EMG1: variants seen among roughly 807,000 people sequenced by gnomAD.
EMG1 encodes the protein ribosomal RNA small subunit methyltransferase NEP1.
Under a neutral mutation model 26.9 loss-of-function variants are expected in EMG1, and 24 were observed. The observed-to-expected ratio is 0.89, with a 90% CI of 0.65 to 1.26. The LOEUF (loss-of-function observed/expected upper bound fraction) is 1.26. EMG1 is among the 50% of genes most tolerant of loss of function. The pLI, the probability that EMG1 is intolerant of heterozygous loss-of-function variation, is 0.00. For synonymous variants in EMG1, 140 were observed against 112.6 expected (o/e 1.24, Z -1.54); for missense variants, 299 against 307.6 (o/e 0.97, Z 0.21).
At chr12:6,982,128 C>T (rs1357873028), downstream of EMG1, among the ~76,000 whole-genome samples, 1 of 151,968 alleles carries the variant, frequency 6.6e-6, no homozygotes, top group Non-Finnish European at 1.5e-5. Flanking sequence ...ATGCTGGGAC[C>T]ACAGGTGCAT....
intron 7 of EMG1, among the ~76,000 whole-genome samples, chr12:6,996,800 A>G (rs1555156067): frequency 2.0e-5 from 3 of 152,226 alleles, no homozygotes; most frequent in African/African-American, 4.8e-5. Flanking sequence ...AGAGAAATCA[A>G]TCTCGACCAC....
chr12:6,975,334 A>G lies in EMG1; in HGVS notation c.577A>G (p.Ser193Gly). Residue 193 changes from serine (S) to glycine (G), a missense_variant, in exon 5 of 6, where the codon AGT (serine) becomes GGT (glycine). Coordinates refer to ENST00000599672, the MANE Select transcript of EMG1 (RefSeq NM_006331.8). ...VSDVRELVPS[S>G]DPIVFVVGAF... ...TGATGTGCGTGAGCTGGTGCCCAGC[A>G]GTGATCCTATTGTTTTTGTGGTAGG... is the stretch of plus-strand genomic sequence containing the variant. 1 of 1,607,680 alleles carries G rather than the reference A, an allele frequency of 6.2e-7. No homozygotes were observed. Among genetic ancestry groups the G allele is most frequent in the Non-Finnish European group, 8.5e-7 (1 of 1,176,590 alleles).
At chr12:6,971,574 C>A (rs932527232) in intron 1 of EMG1, among the ~76,000 whole-genome samples, 5 of 152,172 alleles carry the variant, frequency 3.3e-5, no homozygotes, top group African/African-American at 1.2e-4. Flanking sequence ...CTGTGCCCGG[C>A]CGGTAGTACT....
At chr12:6,972,116 G>T (rs1946338097) in intron 1 of EMG1, among the ~76,000 whole-genome samples, 1 of 149,012 alleles carries the variant, frequency 6.7e-6, no homozygotes. Context: ...TACCAGGCTG[G>T]AGTGCAGTGG....
Position 6,977,851 on chromosome 12 carries a change from T to G in EMG1, c.*2042T>G. On this transcript the variant is annotated 3_prime_UTR_variant, in exon 6 of 6. Transcript: ENST00000599672. The surrounding 1 kb of genome is among the most constrained non-coding windows in gnomAD (Gnocchi z 4.5). The stretch of plus-strand genomic sequence containing the variant: ...AGGATTGGATTGGAGTGCTGGTGGG[T>G]TCCCACGTGTAGCCCCCAGAGGGTA... 7.4e-7 allele frequency: 1 copy of G among 1,347,968 alleles called. No homozygotes were observed. Among genetic ancestry groups the G allele is most frequent in the Middle Eastern group, 2.3e-4 (1 of 4,346 alleles). The allele number at this position is 1,347,968 out of a possible 1,614,324, so 83.5% of individuals were successfully genotyped here. A position where few individuals can be genotyped will look rare whatever the true frequency, so the allele number is the denominator to read the frequency against.
downstream of EMG1, among the ~76,000 whole-genome samples, chr12:6,984,858 T>G (rs1946505366): frequency 6.6e-6 from 1 of 152,190 alleles, no homozygotes; most frequent in South Asian, 2.1e-4. Flanking sequence ...GTGTTGGGAT[T>G]ACAGGCGTGA....
intron 6 of EMG1, among the ~76,000 whole-genome samples, chr12:6,986,440 G>C (rs1220182946): frequency 7.9e-5 from 12 of 152,092 alleles, no homozygotes; most frequent in African/African-American, 2.9e-4. Context: ...TAATCAACTT[G>C]TTTATGCTAT....
downstream of EMG1, among the ~76,000 whole-genome samples, chr12:6,988,769 G>A (rs972501130): frequency 2.6e-5 from 4 of 152,158 alleles, no homozygotes; most frequent in Non-Finnish European, 5.9e-5. Context: ...TCTCAGCTTG[G>A]AGATTGGGGT....
chr12:6,971,209 G>A (rs782641590), intron 1 of EMG1, 118 bp downstream of exon 1: 72 of 835,416 alleles, frequency 8.6e-5, no homozygotes, highest in Admixed American at 5.6e-4. Flanking sequence ...TGCTTTTGAA[G>A]GAAGGTGGCT....
chr12:6,971,132 G>T (rs1555152197), intron 1 of EMG1, 41 bp downstream of exon 1: 3 of 1,550,416 alleles, frequency 1.9e-6, no homozygotes, highest in East Asian at 4.6e-5. Flanking sequence ...AAATCGATAG[G>T]TTGGGACTCC....
In EMG1 at chr12:6,979,438, A is replaced by C; in HGVS notation, c.*3629A>C. On this transcript the variant is annotated 3_prime_UTR_variant, in exon 6 of 6. Coordinates refer to ENST00000599672, the MANE Select transcript of EMG1 (RefSeq NM_006331.8). ...CCTGTCCATTTTCTAGCTCTGGTGCAGTCATGCTGCTGCTGCTTTAGTAGA... is the reference window on the plus strand; with the variant it reads ...CCTGTCCATTTTCTAGCTCTGGTGCCGTCATGCTGCTGCTGCTTTAGTAGA... 6.8e-7 allele frequency: 1 copy of C among 1,471,304 alleles called. No homozygotes were observed. Among genetic ancestry groups the C allele is most frequent in the Non-Finnish European group, 9.5e-7 (1 of 1,050,314 alleles). The allele number at this position is 1,471,304 out of a possible 1,614,324, so 91.1% of individuals were successfully genotyped here.
In EMG1 at chr12:6,975,393, C is replaced by T. The variant is rs782424259; in HGVS notation, c.621+15C>T. 2 of 1,577,698 alleles carry T rather than the reference C, an allele frequency of 1.3e-6. No homozygotes were observed. The highest frequency in any genetic ancestry group is 1.7e-6 in the Non-Finnish European group (2 of 1,161,934). On this transcript the variant is annotated intron_variant, in intron 5 of 5. Transcript: ENST00000599672. ...CCCATGGCAAGGTAAGGTCTGGGCTCAACCCTGAAATTCTTGGTAGAGCTG... is the reference window on the plus strand; with the variant it reads ...CCCATGGCAAGGTAAGGTCTGGGCTTAACCCTGAAATTCTTGGTAGAGCTG...
rs781782863 is a variant in EMG1 at position 6,975,330 on chromosome 12, C to T, written c.573C>T (p.Pro191=). The T allele has an allele frequency of 3.1e-6, 5 of 1,607,886 alleles. No individual in the cohort carries two copies. The highest frequency in any genetic ancestry group is 1.7e-5 in the Admixed American group (1 of 58,864). ...PVVSDVRELV[P]SSDPIVFVVG... ...TCAGTGATGTGCGTGAGCTGGTGCC[C>T]AGCAGTGATCCTATTGTTTTTGTGG... The change falls in exon 5 of 6, where the codon CCC becomes CCT. Residue 191 remains proline, a synonymous_variant. Transcript: ENST00000599672.
Position 6,975,360 on chromosome 12 carries a change from G to T in EMG1, c.603G>T (p.Gly201=). The T allele has an allele frequency of 3.1e-6, 5 of 1,602,392 alleles. No homozygotes were observed. The highest frequency in any genetic ancestry group is 4.3e-6 in the Non-Finnish European group (5 of 1,173,942). Residue 201 remains glycine (G), a synonymous_variant, in exon 5 of 6, where the codon GGG becomes GGT. Transcript: ENST00000599672. ...GTGATCCTATTGTTTTTGTGGTAGG[G>T]GCCTTTGCCCATGGCAAGGTAAGGT... is the stretch of plus-strand genomic sequence containing the variant. ...PSSDPIVFVV[G]AFAHGKVSVE...
Position 6,979,252 on chromosome 12 carries a change from A to G in EMG1, c.*3443A>G. On this transcript the variant is annotated 3_prime_UTR_variant, in exon 6 of 6. Coordinates refer to ENST00000599672, the MANE Select transcript of EMG1 (RefSeq NM_006331.8). ...TCCTAGAGAAGGCAACGGGTGCTAA[A>G]TGTGCACCTGGCACAGCCCTGTGCC... 2 of 575,152 alleles carry G rather than the reference A, an allele frequency of 3.5e-6. No individual in the cohort carries two copies. Among genetic ancestry groups the G allele is most frequent in the Non-Finnish European group, 6.2e-6 (2 of 323,276 alleles). The allele number at this position is 575,152 out of a possible 1,614,324, so 35.6% of individuals were successfully genotyped here.
At chr12:6,973,704 G>A (rs781856231) in intron 1 of EMG1, among the ~76,000 whole-genome samples, 6 of 151,830 alleles carry the variant, frequency 4.0e-5, no homozygotes, top group African/African-American at 1.5e-4. Flanking sequence ...CACCATGCCC[G>A]GCTAATTTTT....
chr12:6,977,177 G>A lies in EMG1; in HGVS notation c.*1368G>A. On this transcript the variant is annotated 3_prime_UTR_variant, in exon 6 of 6. Coordinates refer to ENST00000599672, the MANE Select transcript of EMG1 (RefSeq NM_006331.8). The surrounding 1 kb of genome is among the most constrained non-coding windows in gnomAD (Gnocchi z 4.5). ...CATCTTCTTTAACTTCTCTTTCCTT[G>A]GCACCATTGCTTTGTGAATATAAGG... 2.5e-6 allele frequency: 4 copies of A among 1,612,676 alleles called. No individual in the cohort carries two copies. The highest frequency in any genetic ancestry group is 3.4e-6 in the Non-Finnish European group (4 of 1,178,742).
At chr12:6,996,806 A>G (rs1442434969) in intron 7 of EMG1, among the ~76,000 whole-genome samples, 1 of 152,230 alleles carries the variant, frequency 6.6e-6, no homozygotes, top group East Asian at 1.9e-4. Context: ...ATCAATCTCG[A>G]CCACAGTGGT....
chr12:6,994,702 G>A (rs969770181), intron 7 of EMG1, among the ~76,000 whole-genome samples: 17 of 152,188 alleles, frequency 1.1e-4, no homozygotes, highest in Admixed American at 1.0e-3. Flanking sequence ...CAATCTGCCC[G>A]CCTTGGCCTC....
Sources: allele counts gnomAD v4.1 joint callset (sites outside exome capture counted in the v4.1 genomes callset), GRCh38; gene constraint gnomAD v4.1.1; non-coding constraint Gnocchi (gnomAD v3.1); transcripts MANE v1.5; gene names NCBI Gene and HGNC (gene_info 2026-07-23, HGNC 2026-07-21).